Variants in EPHA4 observed in about 807,000 individuals in gnomAD.
The protein encoded by EPHA4 is ephrin type-A receptor 4.
Under a neutral mutation model 108.3 loss-of-function variants are expected in EPHA4, and 19 were observed. The ratio of observed to expected loss-of-function variants is 0.18; its 90% CI spans 0.12 to 0.26. The LOEUF (loss-of-function observed/expected upper bound fraction) is 0.26, where lower values mean the gene tolerates loss of function less well. EPHA4 is among the 10% of genes least tolerant of loss of function. The pLI is 1.00. For synonymous variants in EPHA4, 449 were observed against 455.5 expected (o/e 0.99, Z 0.18); for missense variants, 917 against 1,254.0 (o/e 0.73, Z 4.06).
At chr2:221,462,391 C>T (rs933353415) in intron 5 of EPHA4, among the ~76,000 whole-genome samples, 1 of 151,816 alleles carries the variant, frequency 6.6e-6, no homozygotes, top group East Asian at 1.9e-4. Context: ...TTTATTACCC[C>T]TAAGGAGATT....
At chr2:221,483,006 A>T (rs143487654) in intron 4 of EPHA4, among the ~76,000 whole-genome samples, 2 of 152,320 alleles carry the variant, frequency 1.3e-5, no homozygotes, top group East Asian at 3.9e-4. Context: ...ATCATAATTT[A>T]TCTGTTCCAT....
intron 3 of EPHA4, 39 bp downstream of exon 3, chr2:221,563,692 T>G (rs1178832384): frequency 6.2e-7 from 1 of 1,600,470 alleles, no homozygotes; most frequent in Non-Finnish European, 8.5e-7. Flanking sequence ...TTACTCGCAC[T>G]AAGCCCCAGT....
At chr2:221,535,022 A>G (rs1486672637) in intron 3 of EPHA4, among the ~76,000 whole-genome samples, 1 of 152,238 alleles carries the variant, frequency 6.6e-6, no homozygotes. Context: ...CTCCATCGCT[A>G]TTGGATCCAC....
intron 3 of EPHA4, among the ~76,000 whole-genome samples, chr2:221,510,355 A>G (rs1692789770): frequency 6.6e-6 from 1 of 152,208 alleles, no homozygotes. Flanking sequence ...AAAGTTAAAT[A>G]AATTATTGTA....
intron 1 of EPHA4, 113 bp downstream of exon 1, chr2:221,572,045 G>A (rs1574671682): frequency 4.6e-6 from 4 of 863,156 alleles, no homozygotes; most frequent in Non-Finnish European, 7.6e-6. Context: ...GAATCGGGAC[G>A]CACCATTCAC....
At chr2:221,535,227 C>T (rs1333677439) in intron 3 of EPHA4, among the ~76,000 whole-genome samples, 1 of 152,164 alleles carries the variant, frequency 6.6e-6, no homozygotes, top group Non-Finnish European at 1.5e-5. Context: ...TAATCAGAAC[C>T]ACCTAGGAGC....
chr2:221,424,140 A>T lies in EPHA4; in HGVS notation c.*819+1069T>A, dbSNP rs539009434. Among the ~76,000 whole-genome samples, 217 of 147,088 alleles carry T rather than the reference A, an allele frequency of 1.5e-3. 3 individuals are homozygous for T. Among genetic ancestry groups the T allele is most frequent in the African/African-American group, 4.9e-3 (196 of 40,034 alleles). ...AATAGTAATAATAATAATAATAATA[A>T]TTTTTTTTTTTTACCAAGCAAGCAA... On this transcript the variant is annotated intron_variant, in intron 17 of 17. Transcript: ENST00000281821.
intron 3 of EPHA4, among the ~76,000 whole-genome samples, chr2:221,527,199 T>G (rs1276645637): frequency 6.6e-6 from 1 of 152,130 alleles, no homozygotes; most frequent in Admixed American, 6.5e-5. Context: ...TTGTGGAAAT[T>G]GGATAAATTC....
At chr2:221,558,754 G>GA (rs796493087) in intron 3 of EPHA4, among the ~76,000 whole-genome samples, 7 of 146,796 alleles carry the variant, frequency 4.8e-5, no homozygotes, top group South Asian at 4.3e-4. Flanking sequence ...ACACAAAGAG[G>GA]AAAAAAAAAA....
At chr2:221,561,240 T>C (rs1400778232) in intron 3 of EPHA4, among the ~76,000 whole-genome samples, 1 of 148,512 alleles carries the variant, frequency 6.7e-6, no homozygotes, top group East Asian at 1.9e-4. Flanking sequence ...AGACTCCATC[T>C]CAAAATAAAT....
chr2:221,553,426 C>T (rs922606707), intron 3 of EPHA4, among the ~76,000 whole-genome samples: 2 of 152,240 alleles, frequency 1.3e-5, no homozygotes, highest in Non-Finnish European at 2.9e-5. Flanking sequence ...GCATTCCTAA[C>T]TGAGCTGAGT....
At chr2:221,431,272 G>A (rs958445770) in intron 14 of EPHA4, among the ~76,000 whole-genome samples, 3 of 152,150 alleles carry the variant, frequency 2.0e-5, no homozygotes, top group Non-Finnish European at 4.4e-5. Flanking sequence ...CATGATAGCT[G>A]CCAGAGAAAT....
intron 8 of EPHA4, among the ~76,000 whole-genome samples, chr2:221,448,583 T>C (rs1367264208): frequency 6.6e-6 from 1 of 152,136 alleles, no homozygotes; most frequent in Non-Finnish European, 1.5e-5. Context: ...TAAAGGAATA[T>C]AAGAGTGTTA....
intron 4 of EPHA4, among the ~76,000 whole-genome samples, chr2:221,487,320 G>T (rs867718211): frequency 6.6e-6 from 1 of 152,210 alleles, no homozygotes; most frequent in African/African-American, 2.4e-5. Flanking sequence ...TGCAGTGGAT[G>T]TCAGAGCAAG....
chr2:221,456,779 C>T lies in EPHA4; in HGVS notation c.1444-7G>A. 6.2e-7 allele frequency: 1 copy of T among 1,612,226 alleles called. No individual in the cohort carries two copies. The highest frequency in any genetic ancestry group is 8.5e-7 in the Non-Finnish European group (1 of 1,178,620). On this transcript the variant is annotated splice_region_variant and splice_polypyrimidine_tract_variant and intron_variant, in intron 6 of 17. Transcript: ENST00000281821. ...AGCTTCGCTCATTCTGATCCTACAT[C>T]ATGGCAAGATAAAATTGGGGAAGGT... is the stretch of plus-strand genomic sequence containing the variant.
In EPHA4 at chr2:221,440,943, T is replaced by C. The variant is rs556149649; in HGVS notation, c.2074+1886A>G. On this transcript the variant is annotated intron_variant, in intron 11 of 17. Coordinates refer to ENST00000281821, the MANE Select transcript of EPHA4 (RefSeq NM_004438.5). Reference sequence around the variant, plus strand: ...ATACCAGCAGCATTGGCTTCACCTGTGGTGAGCTCTCTTGCACTCCAAACT... The same window carrying C: ...ATACCAGCAGCATTGGCTTCACCTGCGGTGAGCTCTCTTGCACTCCAAACT... Among the ~76,000 whole-genome samples the C allele has an allele frequency of 5.8e-4, 88 of 152,268 alleles. 1 individual carries two copies. Among genetic ancestry groups the C allele is most frequent in the South Asian group, 1.9e-3 (9 of 4,820 alleles).
chr2:221,433,176 G>T (rs1369579200), intron 14 of EPHA4, among the ~76,000 whole-genome samples: 1 of 152,082 alleles, frequency 6.6e-6, no homozygotes, highest in Non-Finnish European at 1.5e-5. Flanking sequence ...TTTCTTAAGT[G>T]CACGTGGCTC....
intron 4 of EPHA4, among the ~76,000 whole-genome samples, chr2:221,490,268 A>G (rs979255822): frequency 6.6e-6 from 1 of 151,832 alleles, no homozygotes; most frequent in Non-Finnish European, 1.5e-5. Flanking sequence ...TAAAAAAAAA[A>G]AAAGAAAAGA....
At chr2:221,462,250 A>G (rs895712648) in intron 5 of EPHA4, among the ~76,000 whole-genome samples, 7 of 152,122 alleles carry the variant, frequency 4.6e-5, no homozygotes, top group African/African-American at 1.7e-4. Context: ...CCTAAAGGGT[A>G]GCTCTTTAAA....
Sources: gnomAD v4.1 joint callset for allele counts (sites outside exome capture counted in the v4.1 genomes callset) on GRCh38, gnomAD v4.1.1 for gene constraint, MANE v1.5 for transcripts, NCBI Gene and HGNC (gene_info 2026-07-23, HGNC 2026-07-21) for gene names.